The following GRM8 variants were observed in gnomAD, a reference collection of about 807,000 sequenced individuals.
GRM8 encodes glutamate metabotropic receptor 8, also known as metabotropic glutamate receptor 8.
In GRM8, 47 loss-of-function variants were observed where a neutral mutation model predicts 87.2. The observed-to-expected ratio is 0.54, with a 90% CI of 0.43 to 0.69. The LOEUF (loss-of-function observed/expected upper bound fraction) is 0.69, where lower values mean the gene tolerates loss of function less well. Ranked by LOEUF, GRM8 falls within the 30% of genes least tolerant of loss-of-function variation. The pLI, the probability that GRM8 is intolerant of heterozygous loss-of-function variation, is 0.00. For missense variants in GRM8, 1,019 were observed against 1,139.2 expected (o/e 0.89, Z 1.52); for synonymous variants, 396 against 404.5 (o/e 0.98, Z 0.25).
At chr7:127,165,193 T>TA (rs1793378570) in intron 2 of GRM8, among the ~76,000 whole-genome samples, 2 of 109,444 alleles carry the variant, frequency 1.8e-5, no homozygotes, top group South Asian at 3.0e-4. Context: ...TATATATATA[T>TA]TCAGGTTTCA....
At chr7:127,147,876 A>G (rs1828638574) in intron 2 of GRM8, among the ~76,000 whole-genome samples, 1 of 152,106 alleles carries the variant, frequency 6.6e-6, no homozygotes. Context: ...AAAAATTAGT[A>G]TAGAAGAGCA....
intron 2 of GRM8, among the ~76,000 whole-genome samples, chr7:127,120,803 G>A (rs1291122526): frequency 6.6e-6 from 1 of 152,102 alleles, no homozygotes; most frequent in African/African-American, 2.4e-5. Flanking sequence ...AACATCTCCT[G>A]ATCATTAGAA....
intron 2 of GRM8, among the ~76,000 whole-genome samples, chr7:127,113,882 G>T (rs1167010341): frequency 6.6e-6 from 1 of 152,116 alleles, no homozygotes; most frequent in Non-Finnish European, 1.5e-5. Context: ...TCAGAAATTA[G>T]ATATAAATGA....
At chr7:126,806,242 T>C (rs1243922503) in intron 6 of GRM8, among the ~76,000 whole-genome samples, 1 of 152,132 alleles carries the variant, frequency 6.6e-6, no homozygotes, top group Non-Finnish European at 1.5e-5. Context: ...TCCCGGTGAG[T>C]GCTACAGCTC....
chr7:126,755,073 G>A (rs1816850532), intron 7 of GRM8, among the ~76,000 whole-genome samples: 1 of 151,922 alleles, frequency 6.6e-6, no homozygotes, highest in South Asian at 2.1e-4. Context: ...GTGCAAAACT[G>A]ATGAAGCACA....
intron 2 of GRM8, among the ~76,000 whole-genome samples, chr7:127,240,490 C>T (rs1798230005): frequency 6.6e-6 from 1 of 151,320 alleles, no homozygotes; most frequent in Non-Finnish European, 1.5e-5. Context: ...TCCTCCACCA[C>T]ACTCCTCAAA....
At chr7:127,198,222 C>T (rs574978271) in intron 2 of GRM8, among the ~76,000 whole-genome samples, 59 of 152,238 alleles carry the variant, frequency 3.9e-4, no homozygotes, top group Non-Finnish European at 6.5e-4. Flanking sequence ...TATAAATTTT[C>T]TCTTTTAGCT....
intron 7 of GRM8, among the ~76,000 whole-genome samples, chr7:126,651,004 T>G (rs1327607251): frequency 6.6e-6 from 1 of 152,096 alleles, no homozygotes; most frequent in African/African-American, 2.4e-5. Context: ...CTTGAGGTGA[T>G]CAGCCATCTA....
At chr7:126,509,292 T>C (rs529201048) in intron 9 of GRM8, among the ~76,000 whole-genome samples, 10 of 152,054 alleles carry the variant, frequency 6.6e-5, no homozygotes, top group African/African-American at 2.2e-4. Flanking sequence ...TAGTGGAATT[T>C]TGACTTCTGG....
At chr7:126,577,034 T>C (rs1386508589) in intron 8 of GRM8, among the ~76,000 whole-genome samples, 1 of 152,204 alleles carries the variant, frequency 6.6e-6, no homozygotes, top group Non-Finnish European at 1.5e-5. Context: ...TTATCGTAGC[T>C]GTCCTGTTTC....
intron 3 of GRM8, among the ~76,000 whole-genome samples, chr7:126,941,443 T>TG (rs1806922718): frequency 7.8e-6 from 1 of 128,890 alleles, no homozygotes; most frequent in East Asian, 2.3e-4. Context: ...CCATCTCTAC[T>TG]AAAAAAAAAA....
intron 2 of GRM8, among the ~76,000 whole-genome samples, chr7:127,194,251 G>A (rs1454365264): frequency 1.3e-5 from 2 of 152,172 alleles, no homozygotes; most frequent in African/African-American, 4.8e-5. Flanking sequence ...TTATGATCTT[G>A]GATAACTTCA....
chr7:126,956,640 C>G (rs1283545571), intron 3 of GRM8, among the ~76,000 whole-genome samples: 1 of 152,188 alleles, frequency 6.6e-6, no homozygotes, highest in Non-Finnish European at 1.5e-5. Context: ...CCCCTCTCCC[C>G]CTTAAAATGA....
intron 9 of GRM8, among the ~76,000 whole-genome samples, chr7:126,471,677 CT>C (rs998643707): frequency 2.6e-5 from 4 of 151,714 alleles, no homozygotes; most frequent in African/African-American, 7.3e-5. Flanking sequence ...GATGCGGGCT[CT>C]TTTTTGGTTC....
intron 7 of GRM8, among the ~76,000 whole-genome samples, chr7:126,721,190 G>A (rs945716172): frequency 9.9e-5 from 15 of 152,092 alleles, no homozygotes; most frequent in African/African-American, 3.4e-4. Context: ...AAGCCTCAGG[G>A]CTTGGCTTGA....
chr7:126,616,020 C>A (rs980285646), intron 7 of GRM8, among the ~76,000 whole-genome samples: 2 of 152,096 alleles, frequency 1.3e-5, no homozygotes, highest in South Asian at 2.1e-4. Flanking sequence ...CTGCACAAAG[C>A]AGACCTAATA....
intron 3 of GRM8, among the ~76,000 whole-genome samples, chr7:127,016,385 A>G (rs1345201583): frequency 1.3e-5 from 2 of 152,106 alleles, no homozygotes; most frequent in Non-Finnish European, 2.9e-5. Context: ...GTCTTTATGC[A>G]TTCCAAAAAC....
At chr7:126,867,012 T>C (rs1401685134) in intron 6 of GRM8, among the ~76,000 whole-genome samples, 1 of 152,192 alleles carries the variant, frequency 6.6e-6, no homozygotes, top group African/African-American at 2.4e-5. Flanking sequence ...GTATTATGCA[T>C]AATTGGTATC....
intron 3 of GRM8, among the ~76,000 whole-genome samples, chr7:127,004,813 C>T (rs1814100728): frequency 6.6e-6 from 1 of 151,428 alleles, no homozygotes; most frequent in Non-Finnish European, 1.5e-5. Context: ...TCCTCTATTG[C>T]TTGTATATTT....
Sources: allele counts gnomAD v4.1 joint callset (sites outside exome capture counted in the v4.1 genomes callset), GRCh38; gene constraint gnomAD v4.1.1; transcripts MANE v1.5; gene names NCBI Gene and HGNC (gene_info 2026-07-23, HGNC 2026-07-21).